Variants in L3MBTL4 observed in about 807,000 individuals in gnomAD.
L3MBTL4 encodes lethal(3)malignant brain tumor-like protein 4.
In L3MBTL4, 70 loss-of-function variants were observed where a neutral mutation model predicts 84.5. The ratio of observed to expected loss-of-function variants is 0.83; its 90% CI spans 0.68 to 1.01. The LOEUF is 1.01. Ranked by LOEUF, L3MBTL4 falls within the 50% of genes least tolerant of loss-of-function variation. L3MBTL4 has a pLI of 0.00. For synonymous variants in L3MBTL4, 274 were observed against 259.8 expected (o/e 1.05, Z -0.52); for missense variants, 715 against 754.8 (o/e 0.95, Z 0.62).
At chr18:6,060,861 C>T (rs1028095772) in intron 16 of L3MBTL4, among the ~76,000 whole-genome samples, 3 of 152,022 alleles carry the variant, frequency 2.0e-5, no homozygotes, top group African/African-American at 4.8e-5. Flanking sequence ...GAATAATATT[C>T]CTTTGTATGA....
At chr18:6,345,987 G>A (rs904702574) in intron 1 of L3MBTL4, among the ~76,000 whole-genome samples, 5 of 150,998 alleles carry the variant, frequency 3.3e-5, no homozygotes, top group African/African-American at 1.2e-4. Flanking sequence ...TAGACCAACG[G>A]AACAGAATGG....
intron 1 of L3MBTL4, among the ~76,000 whole-genome samples, chr18:6,315,459 T>A (rs1568479624): frequency 6.6e-6 from 1 of 152,214 alleles, no homozygotes; most frequent in Non-Finnish European, 1.5e-5. Flanking sequence ...ATCAGTCCTC[T>A]ACGTATACAC....
intron 16 of L3MBTL4, among the ~76,000 whole-genome samples, chr18:6,014,162 C>T (rs368033571): frequency 6.6e-6 from 1 of 152,188 alleles, no homozygotes; most frequent in East Asian, 1.9e-4. Context: ...TGGGACAAAA[C>T]TGAGTTTTAA....
At chr18:5,991,010 T>A (rs1370162725) in intron 16 of L3MBTL4, among the ~76,000 whole-genome samples, 1 of 152,170 alleles carries the variant, frequency 6.6e-6, no homozygotes, top group Non-Finnish European at 1.5e-5. Flanking sequence ...CTTGTTTCCG[T>A]GTCCTGACCA....
At chr18:6,201,368 C>T (rs1002041707) in intron 12 of L3MBTL4, among the ~76,000 whole-genome samples, 2 of 151,952 alleles carry the variant, frequency 1.3e-5, no homozygotes, top group South Asian at 2.1e-4. Context: ...TCCCAGTGAA[C>T]GAGAGGGAAG....
intron 4 of L3MBTL4, among the ~76,000 whole-genome samples, chr18:6,267,175 T>C (rs1452888670): frequency 2.6e-5 from 4 of 152,200 alleles, no homozygotes; most frequent in African/African-American, 4.8e-5. Flanking sequence ...TATCAATTTA[T>C]AGCTAAAAAT....
At chr18:6,354,787 CT>C (rs1321611252) in intron 1 of L3MBTL4, among the ~76,000 whole-genome samples, 1 of 152,030 alleles carries the variant, frequency 6.6e-6, no homozygotes, top group Non-Finnish European at 1.5e-5. Context: ...ATAACAAACA[CT>C]GGTGAGGATG....
At chr18:6,272,343 G>A (rs2048912047) in intron 4 of L3MBTL4, among the ~76,000 whole-genome samples, 1 of 152,166 alleles carries the variant, frequency 6.6e-6, no homozygotes, top group Admixed American at 6.5e-5. Context: ...CATGAGGTAG[G>A]ATGGCGTCTG....
chr18:6,378,924 C>G lies in L3MBTL4; in HGVS notation c.-91+35877G>C, dbSNP rs936485597. On this transcript the variant is annotated intron_variant, in intron 1 of 18. Coordinates refer to ENST00000317931, the MANE Select transcript of L3MBTL4 (RefSeq NM_001330559.2). ...TTATTTTGGGCAGTATCACCATTTT[C>G]ACGGTATTGATTCTTCCTATCCATG... 3.3e-5 allele frequency among the ~76,000 whole-genome samples: 5 copies of G among 152,170 alleles called. No individual in the cohort carries two copies. The East Asian group carries it at 7.7e-4, about 23-fold the overall frequency.
chr18:6,357,514 T>C (rs2053499584), intron 1 of L3MBTL4, among the ~76,000 whole-genome samples: 1 of 152,184 alleles, frequency 6.6e-6, no homozygotes, highest in Admixed American at 6.5e-5. Flanking sequence ...TAGTAAATGT[T>C]TGAGAGAAAA....
intron 14 of L3MBTL4, among the ~76,000 whole-genome samples, chr18:6,131,526 C>A (rs892945944): frequency 1.3e-5 from 2 of 149,976 alleles, no homozygotes; most frequent in African/African-American, 4.9e-5. Context: ...GAGGAAAAAA[C>A]CTTTTATTTT....
chr18:6,150,634 C>A (rs61458758), intron 13 of L3MBTL4, among the ~76,000 whole-genome samples: 1 of 152,080 alleles, frequency 6.6e-6, no homozygotes, highest in South Asian at 2.1e-4. Context: ...GCTTCGATAA[C>A]GTAAAAGGAG....
intron 15 of L3MBTL4, among the ~76,000 whole-genome samples, chr18:6,083,362 C>A (rs1376198699): frequency 6.6e-6 from 1 of 152,068 alleles, no homozygotes; most frequent in African/African-American, 2.4e-5. Flanking sequence ...ATAAGCTAAT[C>A]GACTTGTTTG....
At chr18:6,237,319 T>C (rs975478565) in intron 10 of L3MBTL4, among the ~76,000 whole-genome samples, 1 of 151,950 alleles carries the variant, frequency 6.6e-6, no homozygotes, top group Non-Finnish European at 1.5e-5. Context: ...ATTCAATTAA[T>C]GAATTGTTAT....
intron 10 of L3MBTL4, 97 bp downstream of exon 10, chr18:6,237,867 G>T (rs1249397950): frequency 1.2e-6 from 1 of 868,886 alleles, no homozygotes; most frequent in Non-Finnish European, 2.0e-6. Context: ...ATATTAAATA[G>T]ATATGTATTA....
At chr18:6,331,048 A>T (rs1347655736) in intron 1 of L3MBTL4, among the ~76,000 whole-genome samples, 1 of 152,236 alleles carries the variant, frequency 6.6e-6, no homozygotes, top group Non-Finnish European at 1.5e-5. Flanking sequence ...TATATTACAC[A>T]ACTCAGTTCT....
At position 6,215,835 on chromosome 18, in the gene L3MBTL4, C is replaced by G. The variant is rs773056707; in HGVS notation, c.785G>C (p.Gly262Ala). 4 of 1,538,730 alleles carry G rather than the reference C, an allele frequency of 2.6e-6. No homozygotes were observed. Among genetic ancestry groups the G allele is most frequent in the Non-Finnish European group, 3.6e-6 (4 of 1,120,414 alleles). Reference protein sequence around the residue: ...ENGRTLIAPQGYPNPENFSWT... With the variant: ...ENGRTLIAPQAYPNPENFSWT... ...GGAAAAATTTTCTGGATTGGGATAA[C>G]CTGAAAATATATATATATAAATAGC... Residue 262 changes from glycine (G) to alanine (A), a missense_variant and splice_region_variant, in exon 11 of 19, where the codon GGT (glycine) becomes GCT (alanine). Gly to Ala is a moderately conservative substitution (Grantham distance 60). Transcript: ENST00000317931.
chr18:6,141,570 A>G (rs1266768209), intron 13 of L3MBTL4, among the ~76,000 whole-genome samples: 3 of 152,110 alleles, frequency 2.0e-5, no homozygotes, highest in African/African-American at 4.8e-5. Context: ...CCCTCCATCC[A>G]GGAGCCTGGA....
intron 12 of L3MBTL4, among the ~76,000 whole-genome samples, chr18:6,192,865 C>T (rs910797704): frequency 6.6e-6 from 1 of 151,688 alleles, no homozygotes; most frequent in African/African-American, 2.4e-5. Context: ...GACAGAAGAG[C>T]TAAAGGTTTA....
Sources: gnomAD v4.1 joint callset for allele counts (sites outside exome capture counted in the v4.1 genomes callset) on GRCh38, gnomAD v4.1.1 for gene constraint, MANE v1.5 for transcripts, NCBI Gene and HGNC (gene_info 2026-07-23, HGNC 2026-07-21) for gene names.